The following CCDC171 variants were observed in gnomAD, a reference collection of about 807,000 sequenced individuals.
CCDC171 encodes the protein coiled-coil domain containing 171, also known as coiled-coil domain-containing protein 171.
CCDC171 carries 177 observed loss-of-function variants against 168.2 expected under a neutral mutation model. The observed-to-expected ratio is 1.05, with a 90% CI of 0.93 to 1.19. CCDC171 has a LOEUF of 1.19. CCDC171 is among the 50% of genes most tolerant of loss of function. The pLI, the probability that CCDC171 is intolerant of heterozygous loss-of-function variation, is 0.00. For missense variants in CCDC171, 1,991 were observed against 1,539.0 expected, an observed-to-expected ratio of 1.29 and a Z score of -4.91; for synonymous variants, 687 against 540.8, an observed-to-expected ratio of 1.27 and a Z score of -3.75.
At chr9:15,768,663 G>A (rs2056858243) in intron 18 of CCDC171, among the ~76,000 whole-genome samples, 2 of 152,176 alleles carry the variant, frequency 1.3e-5, no homozygotes, top group South Asian at 2.1e-4. Context: ...GAGAATATTA[G>A]TATTTAATTA....
intron 7 of CCDC171, among the ~76,000 whole-genome samples, chr9:15,629,999 G>T (rs1273964905): frequency 6.6e-6 from 1 of 152,172 alleles, no homozygotes; most frequent in Non-Finnish European, 1.5e-5. Flanking sequence ...TCACCACCAG[G>T]CCTGCCCTGC....
chr9:15,779,296 T>C, intron 20 of CCDC171, 146 bp downstream of exon 20: 1 of 486,574 alleles, frequency 2.1e-6, no homozygotes, highest in Non-Finnish European at 3.4e-6. Context: ...TCAGAAAACT[T>C]CCTGTCTAAA....
intron 2 of CCDC171, among the ~76,000 whole-genome samples, chr9:15,566,596 C>A (rs1366516314): frequency 1.3e-5 from 2 of 152,134 alleles, no homozygotes; most frequent in African/African-American, 4.8e-5. Context: ...ATATGATATG[C>A]AAACATTTTT....
At chr9:15,955,752 C>G (rs1174968245) in intron 25 of CCDC171, among the ~76,000 whole-genome samples, 2 of 152,110 alleles carry the variant, frequency 1.3e-5, no homozygotes, top group African/African-American at 4.8e-5. Flanking sequence ...CCAGAATCCT[C>G]TCAAATCCTT....
intron 25 of CCDC171, among the ~76,000 whole-genome samples, chr9:15,969,028 ATCTC>A (rs1022535944): frequency 4.0e-4 from 61 of 152,264 alleles, no homozygotes; most frequent in African/African-American, 1.2e-3. Context: ...CTTTAAGGAA[ATCTC>A]TCTGTCTCTC....
chr9:15,616,500 A>G (rs938897394), intron 6 of CCDC171, among the ~76,000 whole-genome samples: 3 of 152,032 alleles, frequency 2.0e-5, no homozygotes, highest in African/African-American at 7.2e-5. Flanking sequence ...CTAGGATATA[A>G]GCATCTTTTT....
At chr9:15,992,434 G>A (rs1437796346) in intron 3 of CCDC171, among the ~76,000 whole-genome samples, 1 of 152,132 alleles carries the variant, frequency 6.6e-6, no homozygotes, top group Non-Finnish European at 1.5e-5. Flanking sequence ...GGTATTGATG[G>A]GATGTATCTC....
At chr9:16,067,680 T>A in the CCDC171 span, among the ~76,000 whole-genome samples, 1 of 152,240 alleles carries the variant, frequency 6.6e-6, no homozygotes, top group Non-Finnish European at 1.5e-5. Context: ...TTTCTACATA[T>A]GGCTAGCCAG....
At chr9:15,737,159 C>T (rs974513755) in intron 16 of CCDC171, among the ~76,000 whole-genome samples, 1 of 151,542 alleles carries the variant, frequency 6.6e-6, no homozygotes, top group Admixed American at 6.6e-5. Flanking sequence ...ATAATTTTTA[C>T]ATAATTTAGT....
chr9:16,024,659 C>T (rs1267074789), intron 6 of CCDC171, among the ~76,000 whole-genome samples: 2 of 152,176 alleles, frequency 1.3e-5, no homozygotes, highest in African/African-American at 4.8e-5. Context: ...CCAAGCAATT[C>T]CCTTTATTCT....
At chr9:15,650,773 G>A (rs948279074) in intron 7 of CCDC171, among the ~76,000 whole-genome samples, 9 of 151,488 alleles carry the variant, frequency 5.9e-5, no homozygotes, top group African/African-American at 1.9e-4. Context: ...GGGTACATGT[G>A]TTTTTTTTAT....
intron 8 of CCDC171, among the ~76,000 whole-genome samples, chr9:15,661,333 G>T: frequency 6.7e-6 from 1 of 149,940 alleles, no homozygotes; most frequent in Non-Finnish European, 1.5e-5. Context: ...TTTAGTAATA[G>T]GCTGAAGTTT....
intron 21 of CCDC171, among the ~76,000 whole-genome samples, chr9:15,823,093 C>T (rs1235252566): frequency 6.6e-6 from 1 of 152,012 alleles, no homozygotes; most frequent in African/African-American, 2.4e-5. Context: ...GGAGAAAAAA[C>T]CAAACACTGC....
chr9:15,889,901 C>G (rs909472246), intron 24 of CCDC171, among the ~76,000 whole-genome samples: 4 of 152,130 alleles, frequency 2.6e-5, no homozygotes, highest in Admixed American at 1.3e-4. Context: ...GGTTCGTATC[C>G]TGGATTCCTG....
intron 25 of CCDC171, among the ~76,000 whole-genome samples, chr9:15,923,320 C>T (rs984966996): frequency 6.6e-6 from 1 of 151,018 alleles, no homozygotes; most frequent in Non-Finnish European, 1.5e-5. Flanking sequence ...ACTATTCAGT[C>T]GTAAAAAAGA....
At chr9:15,947,904 C>A (rs898808355) in intron 25 of CCDC171, among the ~76,000 whole-genome samples, 12 of 151,594 alleles carry the variant, frequency 7.9e-5, no homozygotes, top group African/African-American at 2.9e-4. Flanking sequence ...ATACATGTGC[C>A]ATGCTGGTGC....
intron 11 of CCDC171, among the ~76,000 whole-genome samples, chr9:15,703,347 T>C (rs962407472): frequency 9.9e-5 from 15 of 152,222 alleles, no homozygotes; most frequent in Non-Finnish European, 1.6e-4. Context: ...GTAGCACGAA[T>C]GTGAACTAGA....
chr9:16,039,953 C>T (rs925285181), upstream of CCDC171, among the ~76,000 whole-genome samples: 2 of 152,090 alleles, frequency 1.3e-5, no homozygotes, highest in Non-Finnish European at 2.9e-5. Flanking sequence ...GCAGTGTCTG[C>T]CACAGCATAC....
At chr9:15,878,858 C>T (rs1229343638) in intron 24 of CCDC171, among the ~76,000 whole-genome samples, 1 of 152,112 alleles carries the variant, frequency 6.6e-6, no homozygotes, top group Non-Finnish European at 1.5e-5. Flanking sequence ...CGATCATCCT[C>T]AGCAATCTAA....
Sources: gnomAD v4.1 joint callset for allele counts (sites outside exome capture counted in the v4.1 genomes callset) on GRCh38, gnomAD v4.1.1 for gene constraint, MANE v1.5 for transcripts, NCBI Gene and HGNC (gene_info 2026-07-23, HGNC 2026-07-21) for gene names.